The following RECQL5 variants were observed in gnomAD, a reference collection of about 807,000 sequenced individuals.
RECQL5 encodes the protein RecQ like helicase 5.
Under a neutral mutation model 103.4 loss-of-function variants are expected in RECQL5, and 88 were observed. The observed-to-expected ratio is 0.85, with a 90% CI of 0.72 to 1.02. The LOEUF (loss-of-function observed/expected upper bound fraction) is 1.02, where lower values mean the gene tolerates loss of function less well. Ranked by LOEUF, RECQL5 falls within the 50% of genes least tolerant of loss-of-function variation. The pLI is 0.00. For synonymous variants in RECQL5, 552 were observed against 507.9 expected (o/e 1.09, Z -1.17); for missense variants, 1,232 against 1,284.3 (o/e 0.96, Z 0.62).
chr17:75,629,515 A>G (rs1253910971), intron 15 of RECQL5, 40 bp from the exon 16 acceptor site: 1 of 1,500,620 alleles, frequency 6.7e-7, no homozygotes, highest in African/African-American at 1.4e-5. Flanking sequence ...TCAGCCCACT[A>G]GGCCCCCTTG....
Position 75,631,610 on chromosome 17 carries a change from CT to C in RECQL5, c.1287del (p.Gly430AlafsTer93). 6.2e-7 allele frequency: 1 copy of C among 1,612,734 alleles called. No homozygotes were observed. The highest frequency in any genetic ancestry group is 8.5e-7 in the Non-Finnish European group (1 of 1,179,868). On this transcript the variant is annotated frameshift_variant, in exon 9 of 20. Coordinates refer to ENST00000317905, the MANE Select transcript of RECQL5 (RefSeq NM_004259.7). LOFTEE classifies it high-confidence loss of function. ...GTGGGGTTCTGGCAGTGGTCGCAGCCTTTGGCGCAGGCAGGCAGCGCATCCC... is the reference window on the plus strand; with the variant it reads ...GTGGGGTTCTGGCAGTGGTCGCAGCCTTGGCGCAGGCAGGCAGCGCATCCC... Reference protein sequence around the residue: ...YFGDALPACAKGCDHCQNPTA... With the variant: ...YFGDALPACAXGCDHCQNPTA...
chr17:75,658,106 A>C (rs2059651204), intron 7 of RECQL5, among the ~76,000 whole-genome samples, 192 bp downstream of exon 7: 1 of 152,192 alleles, frequency 6.6e-6, no homozygotes, highest in South Asian at 2.1e-4. Context: ...TTAAATATTT[A>C]GAAAGAAAAA....
chr17:75,647,262 C>T (rs2059499770), intron 8 of RECQL5: 2 of 920,662 alleles, frequency 2.2e-6, no homozygotes, highest in African/African-American at 1.7e-5. Flanking sequence ...GGCGGGCCGG[C>T]TGCTCACAGA....
intron 7 of RECQL5, among the ~76,000 whole-genome samples, chr17:75,657,414 G>T (rs1040536426): frequency 6.6e-6 from 1 of 151,878 alleles, no homozygotes; most frequent in Non-Finnish European, 1.5e-5. Context: ...AAGAAACAAG[G>T]CAGTACTGAT....
chr17:75,648,671 C>CTT (rs59201126), intron 8 of RECQL5, among the ~76,000 whole-genome samples: 2 of 94,324 alleles, frequency 2.1e-5, no homozygotes, highest in East Asian at 2.9e-4. Context: ...GGCGCCCGGC[C>CTT]TTTTTTTTTT....
At chr17:75,645,304 C>A (rs566891561) in intron 8 of RECQL5, among the ~76,000 whole-genome samples, 2 of 152,322 alleles carry the variant, frequency 1.3e-5, no homozygotes, top group East Asian at 1.9e-4. Flanking sequence ...GAAAGAATTT[C>A]TTTCTCCACT....
At position 75,630,226 on chromosome 17, in the gene RECQL5, G is replaced by A. The variant is rs940545677; in HGVS notation, c.1770C>T (p.Asn590=). The change falls in exon 14 of 20, where the codon AAC becomes AAT. Residue 590 remains asparagine, a synonymous_variant. Transcript: ENST00000317905. ...AVELEHETFR[N]AKVANLYKAS... ...CCTTGTAGAGGTTGGCCACCTTGGC[G>A]TTCCGGAATGTCTCATGTTCCAGCT... The A allele has an allele frequency of 1.3e-5, 20 of 1,560,380 alleles. No homozygotes were observed. Among genetic ancestry groups the A allele is most frequent in the Admixed American group, 7.7e-5 (4 of 51,964 alleles).
chr17:75,627,384 C>G lies in RECQL5; in HGVS notation c.*38G>C, dbSNP rs1164102866. On this transcript the variant is annotated 3_prime_UTR_variant, in exon 20 of 20. Coordinates refer to ENST00000317905, the MANE Select transcript of RECQL5 (RefSeq NM_004259.7). ...GGCCCAGGATGACCCATGCTAGAATCTGGGGGAGGACGCGGGCCCTGCCCA... is the reference window on the plus strand; with the variant it reads ...GGCCCAGGATGACCCATGCTAGAATGTGGGGGAGGACGCGGGCCCTGCCCA... The G allele has an allele frequency of 1.3e-6, 2 of 1,499,302 alleles. No individual in the cohort carries two copies. Among genetic ancestry groups the G allele is most frequent in the East Asian group, 2.3e-5 (1 of 44,390 alleles). 92.9% of individuals were successfully genotyped at this position (1,499,302 alleles called of 1,614,324 possible).
intron 8 of RECQL5, among the ~76,000 whole-genome samples, chr17:75,641,658 G>A (rs1359703586): frequency 2.0e-5 from 3 of 152,254 alleles, no homozygotes. Context: ...CAGAGACTGT[G>A]TTTGCCCAAA....
intron 9 of RECQL5, 50 bp downstream of exon 9, chr17:75,631,398 GGA>G: frequency 6.3e-7 from 1 of 1,581,898 alleles, no homozygotes; most frequent in Non-Finnish European, 8.7e-7. Flanking sequence ...TGGCGCCAAG[GGA>G]ATGCCAGGCA....
intron 13 of RECQL5, 43 bp from the exon 14 acceptor site, chr17:75,630,320 G>A (rs1260804045): frequency 1.3e-6 from 2 of 1,495,690 alleles, no homozygotes; most frequent in Non-Finnish European, 1.8e-6. Flanking sequence ...AGGTGGGCCT[G>A]GGCTTCTCCC....
At chr17:75,658,723 G>C (rs2059660289) in intron 6 of RECQL5, among the ~76,000 whole-genome samples, 1 of 152,094 alleles carries the variant, frequency 6.6e-6, no homozygotes, top group South Asian at 2.1e-4. Context: ...GGGCCCAGTG[G>C]AAAAAATACT....
At chr17:75,647,108 A>AG (rs1181612733) in intron 8 of RECQL5, among the ~76,000 whole-genome samples, 2 of 152,264 alleles carry the variant, frequency 1.3e-5, no homozygotes, top group African/African-American at 4.8e-5. Context: ...TGGAGAATCC[A>AG]GGGGCATCCC....
At chr17:75,652,444 G>T in intron 7 of RECQL5, 1 of 152,456 alleles carries the variant, frequency 6.6e-6, no homozygotes, top group Non-Finnish European at 1.5e-5. Context: ...GGGAGGCTGT[G>T]TGCGGCCCTG....
rs1340325289 is a variant in RECQL5, at chr17:75,627,075, A to T, written c.*347T>A. The T allele has an allele frequency of 2.2e-6, 1 of 464,804 alleles. No individual in the cohort carries two copies. Among genetic ancestry groups the T allele is most frequent in the East Asian group, 6.2e-5 (1 of 16,168 alleles). The allele number at this position is 464,804 out of a possible 1,614,324, so 28.8% of individuals were successfully genotyped here. A position where few individuals can be genotyped will look rare whatever the true frequency, so the allele number is the denominator to read the frequency against. On this transcript the variant is annotated 3_prime_UTR_variant, in exon 20 of 20. Coordinates refer to ENST00000317905, the MANE Select transcript of RECQL5 (RefSeq NM_004259.7). Reference sequence around the variant, plus strand: ...CTGGGTAGGTTCCGATACCTTGGACAGGTGGGCCTCATCCTGACTTAGAAC... The same window carrying T: ...CTGGGTAGGTTCCGATACCTTGGACTGGTGGGCCTCATCCTGACTTAGAAC...
At chr17:75,630,858 C>T (rs1357274540) in intron 11 of RECQL5, 21 bp from the exon 12 acceptor site, 1 of 1,462,990 alleles carries the variant, frequency 6.8e-7, no homozygotes, top group Admixed American at 2.1e-5. Flanking sequence ...GGGGGGTGGT[C>T]CTTGGTCCTT....
rs764401571 is a variant in RECQL5 at position 75,629,221 on chromosome 17, A to T, written c.2202T>A (p.Ser734Arg). Reference sequence around the variant, plus strand: ...TGGCAAGGGAGCTGCCCCCAGAGGAACTTTTTGCCTTCTTCTCAGGGGAGG... The same window carrying T: ...TGGCAAGGGAGCTGCCCCCAGAGGATCTTTTTGCCTTCTTCTCAGGGGAGG... ...GGPSPEKKAK[S>R]SSGGSSLAKG... The change falls in exon 16 of 20, where the codon AGT (serine) becomes AGA (arginine). Residue 734 changes from serine to arginine, a missense_variant. By Grantham distance (110) the Ser-to-Arg change is moderately radical. Transcript: ENST00000317905. 6.2e-7 allele frequency: 1 copy of T among 1,613,110 alleles called. No individual in the cohort carries two copies. The highest frequency in any genetic ancestry group is 1.1e-5 in the South Asian group (1 of 91,084).
intron 8 of RECQL5, among the ~76,000 whole-genome samples, chr17:75,647,212 A>G (rs957259909): frequency 2.0e-5 from 3 of 152,194 alleles, no homozygotes; most frequent in African/African-American, 7.2e-5. Flanking sequence ...GCAGGCATCC[A>G]GCACAAAGAC....
Position 75,629,316 on chromosome 17 carries a change from C to T in RECQL5, c.2107G>A (p.Glu703Lys), listed in dbSNP as rs767427530. ...CCAGGGAGGGGCTCACTCCCATCCT[C>T]ATCCAGGAGGCCACAGGGCCGGCTC... ...PPSRPCGLLD[E>K]DGSEPLPGPR... Residue 703 changes from glutamate to lysine, a missense_variant, in exon 16 of 20, where the codon GAG becomes AAG. Glu to Lys is a moderately conservative substitution (Grantham distance 56, BLOSUM62 1). Coordinates refer to ENST00000317905, the MANE Select transcript of RECQL5 (RefSeq NM_004259.7). 7.8e-6 allele frequency: 12 copies of T among 1,547,064 alleles called. No individual in the cohort carries two copies. In the South Asian group the frequency reaches 1.3e-4, roughly 17 times the overall value.
Sources: allele counts gnomAD v4.1 joint callset (sites outside exome capture counted in the v4.1 genomes callset), GRCh38; gene constraint gnomAD v4.1.1; transcripts MANE v1.5; gene names NCBI Gene and HGNC (gene_info 2026-07-23, HGNC 2026-07-21).